Variants in PCDHGB4 observed in about 807,000 individuals in gnomAD.
PCDHGB4 encodes protocadherin gamma-B4.
A neutral mutation model predicts 60.5 loss-of-function variants in PCDHGB4; 38 were observed. That is an observed-to-expected ratio of 0.63 (90% CI 0.48 to 0.82). PCDHGB4 has a LOEUF of 0.82. PCDHGB4 is among the 40% of genes least tolerant of loss of function. The probability of loss-of-function intolerance (pLI) is 0.00; values close to 1 mark genes in which losing one functional copy is unlikely to be tolerated. For synonymous variants in PCDHGB4, 456 were observed against 509.7 expected, an observed-to-expected ratio of 0.89 and a Z score of 1.42; for missense variants, 1,109 against 1,209.6, an observed-to-expected ratio of 0.92 and a Z score of 1.23.
rs564944158 is a variant in PCDHGB4 at position 141,389,504 on chromosome 5, C to A, written c.1620C>A (p.Leu540=). ...LQARDQGSPA[L]SANVSLRVLV... is the part of the protein sequence containing the mutation. ...CCCGCGACCAGGGCTCGCCAGCGCT[C>A]AGCGCGAACGTGAGCCTGCGCGTGT... Residue 540 remains leucine (L), a synonymous_variant, in exon 1 of 4, where the codon CTC becomes CTA. Transcript: ENST00000519479. 6.2e-7 allele frequency: 1 copy of A among 1,613,088 alleles called. No homozygotes were observed. The highest frequency in any genetic ancestry group is 1.3e-5 in the African/African-American group (1 of 75,060).
Position 141,409,702 on chromosome 5 carries a change from G to A in PCDHGB4, c.2397+19421G>A, listed in dbSNP as rs545411022. The A allele has an allele frequency of 2.0e-5, 32 of 1,613,226 alleles. No homozygotes were observed. In the South Asian group the frequency reaches 3.0e-4, roughly 15 times the overall value. On this transcript the variant is annotated intron_variant, in intron 1 of 3. Transcript: ENST00000519479. ...TGGCGAGTGACCTAGAGCCCCTGGC[G>A]GTGTCGTCATACGTGTCAGTGAGCG...
chr5:141,407,618 T>C (rs2094961239), intron 1 of PCDHGB4, among the ~76,000 whole-genome samples: 1 of 152,204 alleles, frequency 6.6e-6, no homozygotes, highest in South Asian at 2.1e-4. Context: ...TTGGTTGACA[T>C]TCTATATCTC....
In PCDHGB4 at chr5:141,431,450, A is replaced by G; in HGVS notation, c.2397+41169A>G. 2 of 1,613,740 alleles carry G rather than the reference A, an allele frequency of 1.2e-6. No individual in the cohort carries two copies. Among genetic ancestry groups the G allele is most frequent in the South Asian group, 1.1e-5 (1 of 91,082 alleles). Reference sequence around the variant, plus strand: ...CACAGGCACCGCGCGCATCCGCGTGATGGTTCTGGATGCGAACGACAACGC... The same window carrying G: ...CACAGGCACCGCGCGCATCCGCGTGGTGGTTCTGGATGCGAACGACAACGC... On this transcript the variant is annotated intron_variant, in intron 1 of 3. Coordinates refer to ENST00000519479, the MANE Select transcript of PCDHGB4 (RefSeq NM_003736.4). The surrounding 1 kb of genome is among the most constrained non-coding windows in gnomAD (Gnocchi z 4.8).
rs111458813 is a variant in PCDHGB4 at position 141,483,648 on chromosome 5, TTG to T, written c.2398-11139_2398-11138del. Among the ~76,000 whole-genome samples, 82 of 149,502 alleles carry T rather than the reference TTG, an allele frequency of 5.5e-4. 1 individual carries two copies. The highest frequency in any genetic ancestry group is 2.5e-3 in the Admixed American group (37 of 14,990). Reference sequence around the variant, plus strand: ...GGAGAAGGTATAGAGGGGTGTGTGTTTGTGTGTGTGTGTGTGTGTGTAAAAGA... The same window carrying T: ...GGAGAAGGTATAGAGGGGTGTGTGTTTGTGTGTGTGTGTGTGTGTAAAAGA... On this transcript the variant is annotated intron_variant, in intron 1 of 3. Transcript: ENST00000519479.
At chr5:141,488,273 C>A (rs1411817846) in intron 1 of PCDHGB4, among the ~76,000 whole-genome samples, 6 of 152,256 alleles carry the variant, frequency 3.9e-5, no homozygotes, top group East Asian at 1.9e-4. Flanking sequence ...TTGGTCATCA[C>A]CTTTGGAAAA....
chr5:141,399,677 A>G, intron 1 of PCDHGB4: 1 of 1,613,540 alleles, frequency 6.2e-7, no homozygotes, highest in Non-Finnish European at 8.5e-7. Flanking sequence ...CGCGCCTTTG[A>G]CTACGAGCAG....
chr5:141,507,937 A>T (rs2154594220), intron 3 of PCDHGB4: 1 of 152,420 alleles, frequency 6.6e-6, no homozygotes, highest in Admixed American at 6.5e-5. Context: ...AGAGGGGTTA[A>T]GTAAGAGGGA....
rs1000935525 is a variant in PCDHGB4 at position 141,512,962 on chromosome 5, G to A, written c.*1789G>A. The A allele has an allele frequency of 1.3e-5, 2 of 152,030 alleles. No individual in the cohort carries two copies. The highest frequency in any genetic ancestry group is 4.8e-5 in the African/African-American group (2 of 41,366). The allele number at this position is 152,030 out of a possible 1,614,324, so 9.4% of individuals were successfully genotyped here. ...TTCTTCGACAAAAAAATAATAAAACGTTTCTTCTGAAAAGCTGAACGTTTC... is the reference window on the plus strand; with the variant it reads ...TTCTTCGACAAAAAAATAATAAAACATTTCTTCTGAAAAGCTGAACGTTTC... On this transcript the variant is annotated 3_prime_UTR_variant, in exon 4 of 4. Transcript: ENST00000519479.
At chr5:141,430,383 G>A (rs527531595) in intron 1 of PCDHGB4, among the ~76,000 whole-genome samples, 74 of 138,604 alleles carry the variant, frequency 5.3e-4, no homozygotes, top group Admixed American at 8.6e-4. Flanking sequence ...AGCTCATTGG[G>A]AAAAAAAAAA....
chr5:141,423,904 G>A, intron 1 of PCDHGB4: 2 of 1,275,052 alleles, frequency 1.6e-6, no homozygotes, highest in Middle Eastern at 3.1e-4. Flanking sequence ...TGATTTCAAA[G>A]GGGCCATTCA....
chr5:141,403,995 C>T, intron 1 of PCDHGB4: 1 of 1,613,762 alleles, frequency 6.2e-7, no homozygotes, highest in Non-Finnish European at 8.5e-7. Context: ...CCTGAAGTGA[C>T]CATTACATCT....
chr5:141,437,346 T>C (rs143931647), intron 1 of PCDHGB4, among the ~76,000 whole-genome samples: 2 of 152,380 alleles, frequency 1.3e-5, no homozygotes, highest in East Asian at 3.9e-4. Flanking sequence ...CACTGTTTTA[T>C]AGTACCTAAA....
At chr5:141,408,213 G>A in intron 1 of PCDHGB4, 1 of 1,554,970 alleles carries the variant, frequency 6.4e-7, no homozygotes, top group South Asian at 1.2e-5. Flanking sequence ...ATGGGAGGGA[G>A]CTGCGCGCAG....
chr5:141,409,412 C>A, intron 1 of PCDHGB4: 1 of 1,614,032 alleles, frequency 6.2e-7, no homozygotes, highest in Non-Finnish European at 8.5e-7. Flanking sequence ...CTACTACAAA[C>A]TGGTGACAGA....
At chr5:141,394,968 T>C in intron 1 of PCDHGB4, 1 of 1,613,938 alleles carries the variant, frequency 6.2e-7, no homozygotes, top group Non-Finnish European at 8.5e-7. Context: ...GCTGAGGCGC[T>C]GGCACAAGTC....
intron 1 of PCDHGB4, chr5:141,400,006 G>T (rs758879836): frequency 1.9e-5 from 30 of 1,612,536 alleles, no homozygotes; most frequent in Non-Finnish European, 2.5e-5. Flanking sequence ...CACAGCGCGT[G>T]CCTTGGGCGA....
chr5:141,498,976 G>A (rs1311505059), intron 2 of PCDHGB4, among the ~76,000 whole-genome samples: 1 of 13,010 alleles, frequency 7.7e-5, no homozygotes, highest in Non-Finnish European at 2.3e-4. Context: ...AGGGAGGGAA[G>A]GAAGGAAGGA....
intron 1 of PCDHGB4, chr5:141,402,990 T>A (rs773089843): frequency 1.6e-5 from 26 of 1,611,934 alleles, no homozygotes; most frequent in Non-Finnish European, 2.0e-5. Context: ...CGCGGAAGAT[T>A]AGTCCTGCTA....
intron 1 of PCDHGB4, chr5:141,414,969 G>A (rs764972439): frequency 7.4e-6 from 12 of 1,613,954 alleles, no homozygotes; most frequent in South Asian, 1.1e-5. Context: ...TGGTGGCGGT[G>A]GACAGAGACT....
Sources: gnomAD v4.1 joint callset for allele counts (sites outside exome capture counted in the v4.1 genomes callset) on GRCh38, gnomAD v4.1.1 for gene constraint, Gnocchi (gnomAD v3.1) non-coding constraint, MANE v1.5 for transcripts, NCBI Gene and HGNC (gene_info 2026-07-23, HGNC 2026-07-21) for gene names.